ABCA12: variants seen among roughly 807,000 people sequenced by gnomAD.
The protein encoded by ABCA12 is glucosylceramide transporter ABCA12.
In ABCA12, 156 loss-of-function variants were observed where a neutral mutation model predicts 293.5. The ratio of observed to expected loss-of-function variants is 0.53; its 90% CI spans 0.47 to 0.61. The LOEUF is 0.61. Among genes scored for constraint, ABCA12 ranks in the 20% least tolerant of loss-of-function variants. The probability of loss-of-function intolerance (pLI) is 0.00; values close to 1 mark genes in which losing one functional copy is unlikely to be tolerated. For synonymous variants in ABCA12, 1,063 were observed against 1,108.0 expected (o/e 0.96, Z 0.81); for missense variants, 2,797 against 3,090.2 (o/e 0.91, Z 2.25).
chr2:214,966,800 G>C, intron 39 of ABCA12, 48 bp downstream of exon 39: 1 of 1,549,330 alleles, frequency 6.5e-7, no homozygotes, highest in Admixed American at 1.7e-5. Context: ...TTTATACAAA[G>C]AGTAACAGAA....
chr2:215,055,390 T>A lies in ABCA12; in HGVS notation c.318-726A>T, dbSNP rs899018956. Among the ~76,000 whole-genome samples the A allele has an allele frequency of 5.3e-5, 8 of 152,174 alleles. No individual in the cohort carries two copies. In the South Asian group the frequency reaches 1.7e-3, roughly 31 times the overall value. On this transcript the variant is annotated intron_variant, in intron 3 of 52. Coordinates refer to ENST00000272895, the MANE Select transcript of ABCA12 (RefSeq NM_173076.3). ...CTCTTTTCTAAAAATTCGCTTTTTG[T>A]TTAGTTTGTTATTAAAATGGAGATG...
At position 214,983,820 on chromosome 2, in the gene ABCA12, A is replaced by C; in HGVS notation, c.4209T>G (p.Phe1403Leu). ...GLFGASAGTI[F>L]VYGKDIKTDL... ...CTGTTTTGATATCTTTTCCATATAC[A>C]AAAATGGTGCCTGCTGAGGCCCCAA... Residue 1403 changes from phenylalanine to leucine, a missense_variant, in exon 29 of 53, where the codon TTT becomes TTG. Transcript: ENST00000272895. The C allele has an allele frequency of 1.2e-6, 2 of 1,614,112 alleles. No homozygotes were observed. The highest frequency in any genetic ancestry group is 1.7e-6 in the Non-Finnish European group (2 of 1,180,014).
chr2:214,983,788 T>C lies in ABCA12; in HGVS notation c.4241A>G (p.His1414Arg). The C allele has an allele frequency of 1.9e-6, 3 of 1,614,136 alleles. No homozygotes were observed. Among genetic ancestry groups the C allele is most frequent in the Non-Finnish European group, 2.5e-6 (3 of 1,180,026 alleles). ...VYGKDIKTDL[H>R]TVRKNMGVCM... ...GACTCCCATGTTCTTCCGTACCGTG[T>C]GTAGGTCTGTTTTGATATCTTTTCC... Residue 1414 changes from histidine to arginine, a missense_variant, in exon 29 of 53, where the codon CAC becomes CGC. Physicochemically the swap from His to Arg is conservative, Grantham distance 29 (BLOSUM62 0). This residue lies in a region of ABCA12 where 2,130 missense variants were observed against 2,427.0 expected (regional missense o/e 0.88). Transcript: ENST00000272895.
intron 3 of ABCA12, among the ~76,000 whole-genome samples, chr2:215,057,852 G>A (rs1327107563): frequency 6.6e-6 from 1 of 151,948 alleles, no homozygotes; most frequent in Non-Finnish European, 1.5e-5. Flanking sequence ...CTTAGAAAAG[G>A]AAACACCCAG....
chr2:215,081,495 A>AAAAAAAAAAAAAAAAAAAAAAAAG (rs1553541627), intron 2 of ABCA12, among the ~76,000 whole-genome samples: 1 of 127,500 alleles, frequency 7.8e-6, no homozygotes, highest in African/African-American at 2.9e-5. Flanking sequence ...AAAAAAAAGA[A>AAAAAAAAAAAAAAAAAAAAAAAAG]AAAGAAAAAA....
At chr2:215,082,774 T>C (rs769283621) in intron 2 of ABCA12, 5 of 152,222 alleles carry the variant, frequency 3.3e-5, no homozygotes, top group Non-Finnish European at 7.3e-5. Context: ...CTGTTATTTA[T>C]CTTAAAGAGT....
At chr2:214,958,053 G>GTGC (rs1699004853) in intron 41 of ABCA12, among the ~76,000 whole-genome samples, 1 of 152,058 alleles carries the variant, frequency 6.6e-6, no homozygotes, top group African/African-American at 2.4e-5. Context: ...CTCATTTTAA[G>GTGC]TGCCCTAGAG....
intron 3 of ABCA12, among the ~76,000 whole-genome samples, chr2:215,058,444 T>C (rs1267574286): frequency 6.6e-6 from 1 of 151,936 alleles, no homozygotes; most frequent in Non-Finnish European, 1.5e-5. Flanking sequence ...CCAAACCAAA[T>C]CAGGAGAGAT....
At position 215,084,858 on chromosome 2, in the gene ABCA12, C is replaced by T. The variant is rs576144315; in HGVS notation, c.164-20639G>A. Among the ~76,000 whole-genome samples, 120 of 152,218 alleles carry T rather than the reference C, an allele frequency of 7.9e-4. 3 individuals are homozygous for T. The South Asian group carries it at 0.023, about 29-fold the overall frequency. On this transcript the variant is annotated intron_variant, in intron 2 of 52. Coordinates refer to ENST00000272895, the MANE Select transcript of ABCA12 (RefSeq NM_173076.3). ...CCAGTAATCCCAGCACTTTTGGAGG[C>T]CGAGTCGGGCAGGTCACTTGAGGTC...
intron 2 of ABCA12, among the ~76,000 whole-genome samples, chr2:215,066,948 T>C (rs1009918086): frequency 6.6e-6 from 1 of 152,144 alleles, no homozygotes; most frequent in African/African-American, 2.4e-5. Flanking sequence ...ACTTATGTTA[T>C]TCATCCTTCC....
In ABCA12 at chr2:215,065,858, T is replaced by C. The variant is rs192932382; in HGVS notation, c.164-1639A>G. Among the ~76,000 whole-genome samples, 277 of 152,150 alleles carry C rather than the reference T, an allele frequency of 1.8e-3. 3 individuals carry two copies. Among genetic ancestry groups the C allele is most frequent in the Non-Finnish European group, 3.0e-3 (205 of 67,984 alleles). On this transcript the variant is annotated intron_variant, in intron 2 of 52. Coordinates refer to ENST00000272895, the MANE Select transcript of ABCA12 (RefSeq NM_173076.3). ...CTATAGAAAAAAATAGTTTAAAAAT[T>C]AATACCAGTATGAATGAAAGATTTG...
chr2:215,060,017 G>A (rs1410940573), intron 3 of ABCA12, among the ~76,000 whole-genome samples: 2 of 151,870 alleles, frequency 1.3e-5, no homozygotes, highest in African/African-American at 4.8e-5. Context: ...TAACTCTCCT[G>A]GCATCTGCCC....
At chr2:215,108,655 T>G (rs931275512) in intron 2 of ABCA12, among the ~76,000 whole-genome samples, 8 of 152,126 alleles carry the variant, frequency 5.3e-5, no homozygotes, top group Admixed American at 3.9e-4. Flanking sequence ...ATTGGCCAAT[T>G]CTAATCTTTC....
intron 48 of ABCA12, among the ~76,000 whole-genome samples, chr2:214,946,275 CAAAG>C (rs772623016): frequency 2.0e-5 from 3 of 151,978 alleles, no homozygotes; most frequent in Non-Finnish European, 4.4e-5. Flanking sequence ...TTTGGGGAAA[CAAAG>C]GATACATTGT....
At chr2:214,974,099 A>G in intron 35 of ABCA12, 57 bp from the exon 36 acceptor site, 1 of 1,432,974 alleles carries the variant, frequency 7.0e-7, no homozygotes, top group Non-Finnish European at 9.8e-7. Context: ...TCTCATGTTT[A>G]CATATGAGCA....
rs1257099313 is a variant in ABCA12 at position 215,064,170 on chromosome 2, C to A, written c.213G>T (p.Leu71=). The change falls in exon 3 of 53, where the codon CTG becomes CTT. Residue 71 remains leucine, a synonymous_variant. Coordinates refer to ENST00000272895, the MANE Select transcript of ABCA12 (RefSeq NM_173076.3). ...AGTCTGTGTCACAGAGTAGGGTCTG[C>A]AGGAATGGAAAGAATCCAGTACTAG... is the stretch of plus-strand genomic sequence containing the variant. ...NLPSTGFFPF[L]QTLLCDTDSK... 1 of 1,612,656 alleles carries A rather than the reference C, an allele frequency of 6.2e-7. No individual in the cohort carries two copies. Among genetic ancestry groups the A allele is most frequent in the East Asian group, 2.2e-5 (1 of 44,840 alleles).
chr2:214,954,230 T>C, intron 43 of ABCA12, 123 bp from the exon 44 acceptor site: 1 of 1,002,496 alleles, frequency 1.0e-6, no homozygotes, highest in Non-Finnish European at 1.5e-6. Context: ...TTGGCAATTA[T>C]TTCCCATATA....
intron 2 of ABCA12, among the ~76,000 whole-genome samples, chr2:215,106,616 A>C (rs1325778173): frequency 6.6e-6 from 1 of 152,162 alleles, no homozygotes; most frequent in African/African-American, 2.4e-5. Context: ...GGTCCAAAGA[A>C]ATGATGTGAG....
chr2:214,995,813 G>A (rs548464044), intron 23 of ABCA12, among the ~76,000 whole-genome samples: 3 of 151,996 alleles, frequency 2.0e-5, no homozygotes, highest in African/African-American at 7.2e-5. Context: ...CCTATCAAAT[G>A]TATCCCAATT....
Sources: allele counts gnomAD v4.1 joint callset (sites outside exome capture counted in the v4.1 genomes callset), GRCh38; gene constraint gnomAD v4.1.1; regional missense constraint gnomAD v4.1.1; transcripts MANE v1.5; gene names NCBI Gene and HGNC (gene_info 2026-07-23, HGNC 2026-07-21).